Variants in KHDRBS1 observed in about 807,000 individuals in gnomAD.
KHDRBS1 encodes KH domain-containing, RNA-binding, signal transduction-associated protein 1.
Under a neutral mutation model 48.4 loss-of-function variants are expected in KHDRBS1, and 7 were observed. The observed-to-expected ratio is 0.14, with a 90% confidence interval of 0.08 to 0.27. The LOEUF (loss-of-function observed/expected upper bound fraction) is 0.27. Ranked by LOEUF, KHDRBS1 falls within the 10% of genes least tolerant of loss-of-function variation. KHDRBS1 has a pLI of 1.00. For synonymous variants in KHDRBS1, 241 were observed against 235.8 expected (o/e 1.02, Z -0.20); for missense variants, 458 against 601.2 (o/e 0.76, Z 2.49).
intron 1 of KHDRBS1, among the ~76,000 whole-genome samples, 159 bp from the exon 2 acceptor site, chr1:32,030,139 C>T (rs917096819): frequency 2.0e-5 from 3 of 152,292 alleles, no homozygotes; most frequent in African/African-American, 7.2e-5. Flanking sequence ...TAGTCAACTT[C>T]ATATAGCTTT....
chr1:32,049,043 G>T (rs1223574660), intron 10 of KHDRBS1, among the ~76,000 whole-genome samples: 2 of 143,312 alleles, frequency 1.4e-5, no homozygotes, highest in Non-Finnish European at 3.1e-5. Context: ...CTTCCTTTTT[G>T]TTTTTTTTTT....
intron 7 of KHDRBS1, 139 bp downstream of exon 7, chr1:32,038,758 A>G (rs1054624936): frequency 2.4e-5 from 17 of 718,360 alleles, no homozygotes; most frequent in Non-Finnish European, 4.0e-5. Context: ...CAACCCCCAC[A>G]GTCCTGACTG....
rs1639313341 is a variant in KHDRBS1, at chr1:32,043,182, C to G, written c.*558C>G. ...CTCAGACGTCTCTAAAAAATGTTTC[C>G]TTTATAAAAGCACATGGCGGTTGAA... On this transcript the variant is annotated 3_prime_UTR_variant, in exon 9 of 9. Transcript: ENST00000327300. The G allele has an allele frequency of 6.6e-6, 1 of 152,372 alleles. No individual in the cohort carries two copies. Among genetic ancestry groups the G allele is most frequent in the Non-Finnish European group, 1.5e-5 (1 of 67,976 alleles). 9.4% of individuals were successfully genotyped at this position (152,372 alleles called of 1,614,324 possible).
chr1:32,036,282 C>G (rs1476754327), intron 4 of KHDRBS1, among the ~76,000 whole-genome samples: 6 of 147,776 alleles, frequency 4.1e-5, no homozygotes, highest in Non-Finnish European at 8.9e-5. Flanking sequence ...CGCCATTCTC[C>G]TGCCTCAGCC....
intron 1 of KHDRBS1, among the ~76,000 whole-genome samples, chr1:32,027,364 A>T (rs563625284): frequency 1.3e-5 from 2 of 152,216 alleles, no homozygotes; most frequent in African/African-American, 4.8e-5. Flanking sequence ...GTAGTCAGGT[A>T]CAGTAGGCTC....
intron 1 of KHDRBS1, among the ~76,000 whole-genome samples, chr1:32,023,337 T>C (rs1638899015): frequency 6.6e-6 from 1 of 152,226 alleles, no homozygotes; most frequent in East Asian, 1.9e-4. Flanking sequence ...ATGTCACTAA[T>C]TAGTTTTGAG....
At chr1:32,038,997 C>T (rs547989951) in intron 7 of KHDRBS1, among the ~76,000 whole-genome samples, 9 of 152,256 alleles carry the variant, frequency 5.9e-5, no homozygotes, top group African/African-American at 2.2e-4. Flanking sequence ...GGAGAAATGC[C>T]TTTATGTTAT....
intron 1 of KHDRBS1, among the ~76,000 whole-genome samples, chr1:32,029,234 G>T (rs1278243823): frequency 6.6e-6 from 1 of 152,110 alleles, no homozygotes; most frequent in Non-Finnish European, 1.5e-5. Context: ...GGTGATGATG[G>T]ATATGTCTGT....
At chr1:32,041,610 G>A (rs988305186) in intron 8 of KHDRBS1, among the ~76,000 whole-genome samples, 11 of 90,398 alleles carry the variant, frequency 1.2e-4, no homozygotes, top group Admixed American at 1.1e-3. Context: ...TTTTTTTTGA[G>A]ATGGAGTCTG....
In KHDRBS1 at chr1:32,043,713, A is replaced by G. The variant is rs1639323834; in HGVS notation, c.*1089A>G. The G allele has an allele frequency of 6.6e-6, 1 of 152,632 alleles. No individual in the cohort carries two copies. The allele number at this position is 152,632 out of a possible 1,614,324, so 9.5% of individuals were successfully genotyped here. A position where few individuals can be genotyped will look rare whatever the true frequency, so the allele number is the denominator to read the frequency against. ...CTGAATGAAAAAGGAATCAAAATCCACTTTGTACATAAGTTAAAGTCCTAA... is the reference window on the plus strand; with the variant it reads ...CTGAATGAAAAAGGAATCAAAATCCGCTTTGTACATAAGTTAAAGTCCTAA... On this transcript the variant is annotated 3_prime_UTR_variant, in exon 9 of 9. Transcript: ENST00000327300.
intron 1 of KHDRBS1, among the ~76,000 whole-genome samples, chr1:32,025,772 C>G (rs1638957149): frequency 7.4e-6 from 1 of 135,576 alleles, no homozygotes; most frequent in Non-Finnish European, 1.6e-5. Context: ...CCTCCTCTCT[C>G]CCTTCGATAC....
At chr1:32,015,245 G>C (rs1638717277) in intron 1 of KHDRBS1, among the ~76,000 whole-genome samples, 1 of 152,170 alleles carries the variant, frequency 6.6e-6, no homozygotes, top group African/African-American at 2.4e-5. Context: ...TCTTTGTTCT[G>C]TAGGTTAGCG....
At chr1:32,060,144 C>A (rs1186308255) in intron 10 of KHDRBS1, 1 of 152,206 alleles carries the variant, frequency 6.6e-6, no homozygotes, top group African/African-American at 2.4e-5. Context: ...TCTTAATTTT[C>A]TACCTTGTGT....
At chr1:32,028,371 C>T (rs1344772238) in intron 1 of KHDRBS1, among the ~76,000 whole-genome samples, 1 of 151,406 alleles carries the variant, frequency 6.6e-6, no homozygotes, top group African/African-American at 2.4e-5. Flanking sequence ...TTGAGAACCC[C>T]CGCCTTAAAA....
Position 32,032,878 on chromosome 1 carries a change from C to T in KHDRBS1, c.625-310C>T, listed in dbSNP as rs191945866. 2.2e-4 allele frequency among the ~76,000 whole-genome samples: 33 copies of T among 152,158 alleles called. No individual in the cohort carries two copies. The East Asian group carries it at 5.4e-3, about 25-fold the overall frequency. ...CTAATTTTTGTATTTTTAGTAGAGA[C>T]GGGGCTTCATCACATTGGTCAGACT... On this transcript the variant is annotated intron_variant, in intron 3 of 8. Transcript: ENST00000327300.
chr1:32,055,172 G>A (rs1044203418), intron 10 of KHDRBS1, among the ~76,000 whole-genome samples: 10 of 152,140 alleles, frequency 6.6e-5, no homozygotes, highest in South Asian at 2.1e-4. Flanking sequence ...ATCCTGGGCC[G>A]GGTGCGGTGG....
intron 6 of KHDRBS1, 75 bp from the exon 7 acceptor site, chr1:32,038,477 C>A: frequency 2.1e-6 from 3 of 1,416,816 alleles, no homozygotes; most frequent in Non-Finnish European, 2.9e-6. Context: ...TACTTACTCC[C>A]ATGGGATGTA....
chr1:32,045,331 G>A (rs551727777), downstream of KHDRBS1: 1 of 152,638 alleles, frequency 6.6e-6, no homozygotes, highest in South Asian at 2.1e-4. Flanking sequence ...CCATTTTCAG[G>A]TGACTGAAAA....
chr1:32,040,985 A>T (rs748867014), intron 8 of KHDRBS1, among the ~76,000 whole-genome samples: 1 of 152,184 alleles, frequency 6.6e-6, no homozygotes, highest in Non-Finnish European at 1.5e-5. Context: ...ATTGCACCCA[A>T]GTATTTCCCT....
Sources: gnomAD v4.1 joint callset for allele counts (sites outside exome capture counted in the v4.1 genomes callset) on GRCh38, gnomAD v4.1.1 for gene constraint, MANE v1.5 for transcripts, NCBI Gene and HGNC (gene_info 2026-07-23, HGNC 2026-07-21) for gene names.